The following AGBL4 variants were observed in gnomAD, a reference collection of about 807,000 sequenced individuals.
The protein encoded by AGBL4 is cytosolic carboxypeptidase 6.
A neutral mutation model predicts 66.4 loss-of-function variants in AGBL4; 58 were observed. That is an observed-to-expected ratio of 0.87 (90% CI 0.71 to 1.09). The LOEUF (loss-of-function observed/expected upper bound fraction) is 1.09. AGBL4 is among the 50% of genes least tolerant of loss of function. AGBL4 has a pLI of 0.00. For missense variants in AGBL4, 579 were observed against 631.0 expected (o/e 0.92, Z 0.88); for synonymous variants, 234 against 222.9 (o/e 1.05, Z -0.44).
At chr1:49,096,044 T>G (rs1234864585) in intron 4 of AGBL4, among the ~76,000 whole-genome samples, 1 of 150,704 alleles carries the variant, frequency 6.6e-6, no homozygotes, top group African/African-American at 2.4e-5. Flanking sequence ...GAACAGACAC[T>G]TCTCAAAAGA....
At chr1:49,965,746 A>G (rs1186028920) in intron 1 of AGBL4, among the ~76,000 whole-genome samples, 5 of 152,172 alleles carry the variant, frequency 3.3e-5, no homozygotes, top group Admixed American at 1.3e-4. Context: ...TGAGATCACA[A>G]AAAGGGCCAA....
rs182321318 is a variant in AGBL4, at chr1:49,512,992, A to T, written c.282+184321T>A. On this transcript the variant is annotated intron_variant, in intron 3 of 13. Coordinates refer to ENST00000371839, the MANE Select transcript of AGBL4 (RefSeq NM_032785.4). ...ATCCTATTCTTGAAGAAACTCTATT[A>T]TATAGACTGACCAGGAATAACTATC... Among the ~76,000 whole-genome samples, 18 of 152,136 alleles carry T rather than the reference A, an allele frequency of 1.2e-4. No individual in the cohort carries two copies. In the East Asian group the frequency reaches 2.7e-3, roughly 23 times the overall value.
chr1:49,775,646 C>A (rs1644176535), intron 2 of AGBL4, among the ~76,000 whole-genome samples: 1 of 151,936 alleles, frequency 6.6e-6, no homozygotes, highest in African/African-American at 2.4e-5. Context: ...ACATTTCCCA[C>A]CTAAATATGT....
intron 3 of AGBL4, among the ~76,000 whole-genome samples, chr1:49,317,346 A>C (rs1645058552): frequency 6.6e-6 from 1 of 151,922 alleles, no homozygotes; most frequent in Non-Finnish European, 1.5e-5. Flanking sequence ...ACATCTGTCG[A>C]ATGCGAATAT....
At chr1:48,528,969 C>A (rs992605904), downstream of AGBL4, among the ~76,000 whole-genome samples, 1 of 152,030 alleles carries the variant, frequency 6.6e-6, no homozygotes, top group African/African-American at 2.4e-5. Flanking sequence ...ATGTTCAACA[C>A]TGTCTTCCCA....
At chr1:49,563,419 T>C (rs1267272046) in intron 3 of AGBL4, among the ~76,000 whole-genome samples, 1 of 152,112 alleles carries the variant, frequency 6.6e-6, no homozygotes, top group Admixed American at 6.6e-5. Flanking sequence ...AGTTTTTGTC[T>C]GTTCAGTATG....
chr1:49,776,956 G>T (rs1644212958), intron 2 of AGBL4, among the ~76,000 whole-genome samples: 1 of 151,634 alleles, frequency 6.6e-6, no homozygotes, highest in Admixed American at 6.6e-5. Context: ...AACTGAAGAG[G>T]GAAAATAGCA....
intron 3 of AGBL4, among the ~76,000 whole-genome samples, chr1:49,545,160 A>G (rs1265442560): frequency 6.6e-6 from 1 of 152,202 alleles, no homozygotes; most frequent in Non-Finnish European, 1.5e-5. Flanking sequence ...TTAAATTATG[A>G]AGCTACATAA....
chr1:49,592,778 T>C (rs1026301207), intron 3 of AGBL4, among the ~76,000 whole-genome samples: 5 of 152,178 alleles, frequency 3.3e-5, no homozygotes, highest in Non-Finnish European at 7.3e-5. Flanking sequence ...AATGCATATA[T>C]ACTATTGGTG....
At chr1:49,416,514 A>G (rs1184318646) in intron 3 of AGBL4, among the ~76,000 whole-genome samples, 3 of 152,160 alleles carry the variant, frequency 2.0e-5, no homozygotes, top group Non-Finnish European at 2.9e-5. Context: ...AGATCAGATG[A>G]CATATGTGAA....
At chr1:49,170,027 G>C (rs906972375) in intron 4 of AGBL4, among the ~76,000 whole-genome samples, 1 of 151,768 alleles carries the variant, frequency 6.6e-6, no homozygotes, top group Non-Finnish European at 1.5e-5. Flanking sequence ...AGTACAAATT[G>C]GGTACAATGT....
At chr1:49,810,075 A>G (rs961100605) in intron 2 of AGBL4, among the ~76,000 whole-genome samples, 1 of 152,184 alleles carries the variant, frequency 6.6e-6, no homozygotes, top group Admixed American at 6.6e-5. Flanking sequence ...GATGCTTTAC[A>G]TATCATACAA....
chr1:49,190,662 A>T (rs1053894803), intron 4 of AGBL4, among the ~76,000 whole-genome samples: 12 of 152,188 alleles, frequency 7.9e-5, no homozygotes, highest in Admixed American at 3.3e-4. Context: ...TTATTAAAAC[A>T]ATAATATGAT....
chr1:48,702,371 A>C (rs1646815752), intron 6 of AGBL4, among the ~76,000 whole-genome samples: 1 of 151,740 alleles, frequency 6.6e-6, no homozygotes, highest in South Asian at 2.1e-4. Context: ...TGCTCACTGC[A>C]ACCTCCACCT....
intron 5 of AGBL4, among the ~76,000 whole-genome samples, chr1:49,001,208 A>G (rs1244043356): frequency 4.6e-5 from 7 of 152,184 alleles, no homozygotes; most frequent in South Asian, 2.1e-4. Context: ...TCTGCTTTTT[A>G]AAGAGTTCAA....
chr1:49,712,033 T>C (rs989168675), intron 2 of AGBL4, among the ~76,000 whole-genome samples: 2 of 151,968 alleles, frequency 1.3e-5, no homozygotes, highest in African/African-American at 4.8e-5. Context: ...ATTGTGAGTA[T>C]TAAGTGACTG....
intron 3 of AGBL4, among the ~76,000 whole-genome samples, chr1:49,382,876 A>G (rs887471527): frequency 3.3e-5 from 5 of 152,210 alleles, no homozygotes; most frequent in African/African-American, 1.2e-4. Context: ...ATGGTGTTAC[A>G]TGCTTATAGT....
At chr1:49,900,866 C>T (rs1471415390) in intron 1 of AGBL4, among the ~76,000 whole-genome samples, 1 of 152,178 alleles carries the variant, frequency 6.6e-6, no homozygotes, top group African/African-American at 2.4e-5. Flanking sequence ...TTTAGGTAAC[C>T]TCTGCAGAGT....
At chr1:49,074,691 T>A (rs1289627946) in intron 4 of AGBL4, among the ~76,000 whole-genome samples, 5 of 152,092 alleles carry the variant, frequency 3.3e-5, no homozygotes, top group African/African-American at 1.2e-4. Flanking sequence ...ATATTACTCC[T>A]AAAAAAATAA....
Sources: allele counts gnomAD v4.1 joint callset (sites outside exome capture counted in the v4.1 genomes callset), GRCh38; gene constraint gnomAD v4.1.1; transcripts MANE v1.5; gene names NCBI Gene and HGNC (gene_info 2026-07-23, HGNC 2026-07-21).